Variants in COL5A1 observed in about 807,000 individuals in gnomAD.
The protein encoded by COL5A1 is collagen type V alpha 1 chain.
A neutral mutation model predicts 263.7 loss-of-function variants in COL5A1; 16 were observed. The observed-to-expected ratio is 0.06, with a 90% CI of 0.04 to 0.09. The LOEUF is 0.09. Among genes scored for constraint, COL5A1 ranks in the 10% least tolerant of loss-of-function variants. The probability of loss-of-function intolerance (pLI) is 1.00; values close to 1 mark genes in which losing one functional copy is unlikely to be tolerated. For synonymous variants in COL5A1, 1,012 were observed against 1,004.5 expected (o/e 1.01, Z -0.14); for missense variants, 2,036 against 2,540.5 (o/e 0.80, Z 4.27).
chr9:134,685,414 T>C (rs1396652471), intron 1 of COL5A1, among the ~76,000 whole-genome samples: 12 of 26,738 alleles, frequency 4.5e-4, no homozygotes, highest in East Asian at 2.1e-3. Flanking sequence ...ATCCATTAAT[T>C]CATCCATCCA....
At chr9:134,828,637 GATAAACACCACACATAC>G in intron 63 of COL5A1, among the ~76,000 whole-genome samples, 2 of 94,716 alleles carry the variant, frequency 2.1e-5, no homozygotes, top group African/African-American at 9.4e-5. Context: ...CCACACACAC[GATAAACACCACACATAC>G]CACACACACA....
intron 63 of COL5A1, among the ~76,000 whole-genome samples, chr9:134,827,692 G>A (rs933605900): frequency 4.6e-5 from 7 of 152,208 alleles, no homozygotes; most frequent in East Asian, 1.9e-4. Context: ...CCAGCCAGGC[G>A]TCCACAGGCT....
At chr9:134,662,455 G>A (rs1015010716) in intron 1 of COL5A1, among the ~76,000 whole-genome samples, 42 of 152,222 alleles carry the variant, frequency 2.8e-4, no homozygotes, top group African/African-American at 9.4e-4. Context: ...CAGGCCTGCC[G>A]GTGCCAGTGG....
chr9:134,807,594 G>A (rs75894870), intron 42 of COL5A1, among the ~76,000 whole-genome samples: 6,212 of 152,284 alleles, frequency 0.041, 160 homozygotes, highest in South Asian at 0.089. Context: ...CGCCCAGCCA[G>A]AAACTGTGAT....
intron 32 of COL5A1, among the ~76,000 whole-genome samples, chr9:134,790,464 A>G (rs1291479794): frequency 1.8e-5 from 2 of 108,630 alleles, no homozygotes; most frequent in East Asian, 5.9e-4. Context: ...CCATCCATCC[A>G]GCCACCCACC....
chr9:134,800,785 G>T (rs1838087266), intron 37 of COL5A1, among the ~76,000 whole-genome samples: 1 of 144,806 alleles, frequency 6.9e-6, no homozygotes, highest in South Asian at 2.2e-4. Context: ...AAGCTAGTCT[G>T]CTGTGGGTTC....
At chr9:134,744,387 GCA>G (rs1160334050) in intron 11 of COL5A1, among the ~76,000 whole-genome samples, 7 of 147,024 alleles carry the variant, frequency 4.8e-5, no homozygotes, top group Non-Finnish European at 9.0e-5. Context: ...ATGCATACAT[GCA>G]CACACTCAAC....
At chr9:134,704,163 A>G (rs1385633283) in intron 4 of COL5A1, among the ~76,000 whole-genome samples, 2 of 152,198 alleles carry the variant, frequency 1.3e-5, no homozygotes, top group East Asian at 3.8e-4. Context: ...GGGAAGCACT[A>G]GAAATCCGTG....
At chr9:134,823,088 G>A (rs1452128107) in intron 60 of COL5A1, 55 bp downstream of exon 60, 19 of 1,590,008 alleles carry the variant, frequency 1.2e-5, no homozygotes, top group South Asian at 6.6e-5. Context: ...GGAGGGCGAC[G>A]GGTCCCCTGG....
chr9:134,734,459 G>A (rs543132907), intron 9 of COL5A1, among the ~76,000 whole-genome samples: 1 of 152,364 alleles, frequency 6.6e-6, no homozygotes, highest in East Asian at 1.9e-4. Context: ...AACCTGGAAC[G>A]TTGCCAGATA....
At chr9:134,831,664 C>T (rs993525714) in intron 64 of COL5A1, among the ~76,000 whole-genome samples, 1 of 152,184 alleles carries the variant, frequency 6.6e-6, no homozygotes, top group South Asian at 2.1e-4. Context: ...TTGGCACTGC[C>T]CTCTCCCCGC....
rs1382126383 is a variant in COL5A1, at chr9:134,809,282, G to A, written c.3466G>A (p.Gly1156Arg). 1.9e-6 allele frequency: 3 copies of A among 1,608,110 alleles called. No individual in the cohort carries two copies. The highest frequency in any genetic ancestry group is 1.1e-5 in the South Asian group (1 of 89,808). Residue 1156 changes from glycine (G) to arginine (R), a missense_variant, in exon 43 of 66, where the codon GGA becomes AGA. By Grantham distance (125) the Gly-to-Arg change is moderately radical. Transcript: ENST00000371817. The stretch of plus-strand genomic sequence containing the variant: ...CCCTGTGGGTCCCCCTGGAGAAGAC[G>A]GAGATAAGGTAAGGCAAATCCAGAG... ...AGPVGPPGED[G>R]DKGEIGEPGQ... is the part of the protein sequence containing the mutation.
rs74599013 is a variant in COL5A1, at chr9:134,824,477, A to G, written c.4699-123A>G. On this transcript the variant is annotated intron_variant, in intron 61 of 65. Transcript: ENST00000371817. ...TTCTAAGGCGGACAGATGTCCATGT[A>G]GCCCAGGTTGCCAGGCCCCAGGGAA... 556 of 1,213,730 alleles carry G rather than the reference A, an allele frequency of 4.6e-4. 2 individuals are homozygous for G. In the African/African-American group the frequency reaches 7.1e-3, roughly 15 times the overall value. The allele number at this position is 1,213,730 out of a possible 1,614,324, so 75.2% of individuals were successfully genotyped here.
In COL5A1 at chr9:134,825,874, A is replaced by G. The variant is rs1375952977; in HGVS notation, c.5037A>G (p.Thr1679=). Residue 1679 remains threonine, a synonymous_variant, in exon 63 of 66, where the codon ACA becomes ACG. Transcript: ENST00000371817. ...GCAACTTCACAGCCGGGGGGTCGAC[A>G]TGCGTCTTCCCTGACAAGAAGTCCG... ...VYCNFTAGGS[T]CVFPDKKSEG... 6.2e-7 allele frequency: 1 copy of G among 1,613,056 alleles called. No individual in the cohort carries two copies. The highest frequency in any genetic ancestry group is 8.5e-7 in the Non-Finnish European group (1 of 1,179,280).
At chr9:134,710,052 G>A (rs1224595723) in intron 4 of COL5A1, among the ~76,000 whole-genome samples, 1 of 152,184 alleles carries the variant, frequency 6.6e-6, no homozygotes, top group Non-Finnish European at 1.5e-5. Context: ...CCGTGGCCAA[G>A]GGGGCATCTG....
At chr9:134,667,950 C>A (rs1832410444) in intron 1 of COL5A1, among the ~76,000 whole-genome samples, 1 of 152,208 alleles carries the variant, frequency 6.6e-6, no homozygotes, top group Admixed American at 6.5e-5. Context: ...GTAGGCTGAG[C>A]TGGTCTGTTG....
intron 28 of COL5A1, among the ~76,000 whole-genome samples, chr9:134,780,764 G>A (rs1468540432): frequency 1.3e-5 from 2 of 152,230 alleles, no homozygotes; most frequent in Admixed American, 1.3e-4. Flanking sequence ...GAGCCACATG[G>A]AGCTGCGTGG....
chr9:134,764,019 G>A (rs1317562075), intron 20 of COL5A1, among the ~76,000 whole-genome samples: 1 of 149,708 alleles, frequency 6.7e-6, no homozygotes, highest in Non-Finnish European at 1.5e-5. Flanking sequence ...GGGGTCTGGG[G>A]GCATTGTGGG....
In COL5A1 at chr9:134,652,207, A is replaced by C. The variant is rs1396443213; in HGVS notation, c.109+9911A>C. ...GCTATTTAGGGTCATAGGTCTCAGT[A>C]ATGGTCGACTAGGTCAAAAAGTACT... On this transcript the variant is annotated intron_variant, in intron 1 of 65. Coordinates refer to ENST00000371817, the MANE Select transcript of COL5A1 (RefSeq NM_000093.5). The surrounding 1 kb of genome is among the most constrained non-coding windows in gnomAD (Gnocchi z 4.4). 6.6e-6 allele frequency among the ~76,000 whole-genome samples: 1 copy of C among 152,192 alleles called. No homozygotes were observed. Among genetic ancestry groups the C allele is most frequent in the Non-Finnish European group, 1.5e-5 (1 of 68,038 alleles).
Sources: allele counts gnomAD v4.1 joint callset (sites outside exome capture counted in the v4.1 genomes callset), GRCh38; gene constraint gnomAD v4.1.1; non-coding constraint Gnocchi (gnomAD v3.1); transcripts MANE v1.5; gene names NCBI Gene and HGNC (gene_info 2026-07-23, HGNC 2026-07-21).